The following VEZT variants were observed in gnomAD, a reference collection of about 807,000 sequenced individuals.
VEZT encodes the protein vezatin, adherens junctions transmembrane protein.
Under a neutral mutation model 79.9 loss-of-function variants are expected in VEZT, and 39 were observed. The observed-to-expected ratio is 0.49, with a 90% CI of 0.38 to 0.64. The LOEUF (loss-of-function observed/expected upper bound fraction) is 0.64, where lower values mean the gene tolerates loss of function less well. VEZT is among the 30% of genes least tolerant of loss of function. The pLI is 0.00. For synonymous variants in VEZT, 325 were observed against 327.6 expected (o/e 0.99, Z 0.09); for missense variants, 837 against 893.1 (o/e 0.94, Z 0.80).
Position 95,274,847 on chromosome 12 carries a change from A to C in VEZT, c.954A>C (p.Glu318Asp). ...GTGAAGAGCAGATTTCAGAAGAGGA[A>C]GCACATAACTTTACAGATGGCTTCA... ...GLSEEQISEE[E>D]AHNFTDGFSL... Residue 318 changes from glutamate to aspartate, a missense_variant, in exon 7 of 12, where the codon GAA becomes GAC. Glu to Asp is a conservative substitution (Grantham distance 45, BLOSUM62 2). Coordinates refer to ENST00000436874, the MANE Select transcript of VEZT (RefSeq NM_017599.4). 1 of 1,613,914 alleles carries C rather than the reference A, an allele frequency of 6.2e-7. No individual in the cohort carries two copies. The highest frequency in any genetic ancestry group is 8.5e-7 in the Non-Finnish European group (1 of 1,179,844).
At chr12:95,257,018 A>C in intron 2 of VEZT, 132 bp from the exon 3 acceptor site, 2 of 694,722 alleles carry the variant, frequency 2.9e-6, no homozygotes, top group Non-Finnish European at 4.7e-6. Flanking sequence ...CTGACAAGGT[A>C]TATAACCTGG....
chr12:95,277,244 T>G (rs1297650240), intron 7 of VEZT, among the ~76,000 whole-genome samples: 2 of 152,250 alleles, frequency 1.3e-5, no homozygotes, highest in East Asian at 3.8e-4. Context: ...ACCAAGCTGC[T>G]TATTCACTTT....
At position 95,300,801 on chromosome 12, in the gene VEZT, A is replaced by G; in HGVS notation, c.*128A>G. 1 of 1,286,510 alleles carries G rather than the reference A, an allele frequency of 7.8e-7. No individual in the cohort carries two copies. The allele number at this position is 1,286,510 out of a possible 1,614,324, so 79.7% of individuals were successfully genotyped here. A position where few individuals can be genotyped will look rare whatever the true frequency, so the allele number is the denominator to read the frequency against. ...GCTAAGATGTGGATTTACAGGAAGA[A>G]CCCTGGTTTGAATAACTGATCTGAA... On this transcript the variant is annotated 3_prime_UTR_variant, in exon 12 of 12. Transcript: ENST00000436874.
At chr12:95,221,777 A>G (rs375710184) in intron 1 of VEZT, among the ~76,000 whole-genome samples, 4 of 152,084 alleles carry the variant, frequency 2.6e-5, no homozygotes, top group South Asian at 2.1e-4. Flanking sequence ...GAGCCCAGGA[A>G]TTTGAGGCTG....
intron 2 of VEZT, 61 bp downstream of exon 2, chr12:95,252,132 C>A: frequency 6.5e-7 from 1 of 1,538,838 alleles, no homozygotes; most frequent in South Asian, 1.3e-5. Flanking sequence ...ACTGGCTATT[C>A]AGATACTTCT....
intron 3 of VEZT, among the ~76,000 whole-genome samples, chr12:95,258,987 G>T (rs1171019003): frequency 6.6e-6 from 1 of 152,078 alleles, no homozygotes; most frequent in Non-Finnish European, 1.5e-5. Context: ...TCCCTATTTA[G>T]ATCCTGGAAA....
chr12:95,245,587 G>A (rs1229803736), intron 1 of VEZT: 1 of 456,464 alleles, frequency 2.2e-6, no homozygotes, highest in African/African-American at 2.0e-5. Context: ...GCCTAATTCT[G>A]CCATCTTTGG....
chr12:95,280,524 T>TACACACACACACAC (rs10611290), intron 7 of VEZT, among the ~76,000 whole-genome samples: 1 of 137,642 alleles, frequency 7.3e-6, no homozygotes, highest in Non-Finnish European at 1.6e-5. Context: ...TTCATATGTG[T>TACACACACACACAC]ACACACACAC....
intron 9 of VEZT, chr12:95,293,570 C>T (rs1566323426): frequency 6.6e-6 from 1 of 152,176 alleles, no homozygotes; most frequent in African/African-American, 2.4e-5. Flanking sequence ...ATTCCAACCT[C>T]TGAGTGTTAA....
chr12:95,283,337 C>T (rs543167427), intron 8 of VEZT, among the ~76,000 whole-genome samples: 4 of 152,208 alleles, frequency 2.6e-5, no homozygotes, highest in Admixed American at 2.6e-4. Context: ...TAATTGAATA[C>T]AGTCATTTCC....
At position 95,300,804 on chromosome 12, in the gene VEZT, C is replaced by G. The variant is rs2075130715; in HGVS notation, c.*131C>G. 1.6e-6 allele frequency: 2 copies of G among 1,267,464 alleles called. No homozygotes were observed. The highest frequency in any genetic ancestry group is 2.0e-6 in the Non-Finnish European group (2 of 979,938). The allele number at this position is 1,267,464 out of a possible 1,614,324, so 78.5% of individuals were successfully genotyped here. A position where few individuals can be genotyped will look rare whatever the true frequency, so the allele number is the denominator to read the frequency against. On this transcript the variant is annotated 3_prime_UTR_variant, in exon 12 of 12. Coordinates refer to ENST00000436874, the MANE Select transcript of VEZT (RefSeq NM_017599.4). ...AAGATGTGGATTTACAGGAAGAACC[C>G]TGGTTTGAATAACTGATCTGAAATT...
chr12:95,266,699 A>C (rs750029451), intron 5 of VEZT, 67 bp downstream of exon 5: 18 of 1,417,418 alleles, frequency 1.3e-5, no homozygotes, highest in Non-Finnish European at 1.7e-5. Context: ...AATATTTATT[A>C]CCTATTTTCA....
chr12:95,227,587 C>T (rs991150295), intron 1 of VEZT, among the ~76,000 whole-genome samples: 8 of 152,154 alleles, frequency 5.3e-5, no homozygotes, highest in Admixed American at 3.3e-4. Flanking sequence ...GTGATCCATC[C>T]GCCTCGGCTT....
At chr12:95,246,823 C>A (rs1363268633) in intron 1 of VEZT, among the ~76,000 whole-genome samples, 2 of 151,946 alleles carry the variant, frequency 1.3e-5, no homozygotes, top group Non-Finnish European at 2.9e-5. Context: ...GATTTCTCTT[C>A]AAAAAAACAA....
intron 1 of VEZT, among the ~76,000 whole-genome samples, chr12:95,230,088 G>C (rs2059031455): frequency 7.4e-6 from 1 of 135,152 alleles, no homozygotes; most frequent in Admixed American, 8.0e-5. Context: ...CTGGGCAACA[G>C]AGAGAGATTC....
In VEZT at chr12:95,217,865, T is replaced by C; in HGVS notation, c.15T>C (p.Phe5=). Residue 5 remains phenylalanine, a synonymous_variant, in exon 1 of 12, where the codon TTT becomes TTC. Transcript: ENST00000436874. ...GGCGGAGAAGGATGACACCGGAGTT[T>C]GACGAAGAGGTGGTTTTTGAGGTAA... MTPE[F]DEEVVFENSP... is the part of the protein sequence containing the mutation. 1 of 1,531,864 alleles carries C rather than the reference T, an allele frequency of 6.5e-7. No homozygotes were observed. The highest frequency in any genetic ancestry group is 8.7e-7 in the Non-Finnish European group (1 of 1,144,944). The allele number at this position is 1,531,864 out of a possible 1,614,324, so 94.9% of individuals were successfully genotyped here.
At chr12:95,254,121 C>T (rs970579950) in intron 2 of VEZT, among the ~76,000 whole-genome samples, 8 of 152,014 alleles carry the variant, frequency 5.3e-5, no homozygotes, top group African/African-American at 1.7e-4. Context: ...CCTGGGACCA[C>T]GGACATGTGC....
At chr12:95,245,251 T>C (rs927294224) in intron 1 of VEZT, among the ~76,000 whole-genome samples, 5 of 151,892 alleles carry the variant, frequency 3.3e-5, no homozygotes, top group African/African-American at 1.2e-4. Flanking sequence ...AAAATAAAAA[T>C]ACCACCTTTT....
intron 1 of VEZT, among the ~76,000 whole-genome samples, chr12:95,225,953 G>A (rs1475567691): frequency 2.0e-5 from 3 of 151,766 alleles, no homozygotes; most frequent in Non-Finnish European, 2.9e-5. Context: ...GAATTAGCTG[G>A]GCATGGTGGC....
Sources: gnomAD v4.1 joint callset for allele counts (sites outside exome capture counted in the v4.1 genomes callset) on GRCh38, gnomAD v4.1.1 for gene constraint, MANE v1.5 for transcripts, NCBI Gene and HGNC (gene_info 2026-07-23, HGNC 2026-07-21) for gene names.